The following ANKEF1 variants were observed in gnomAD, a reference collection of about 807,000 sequenced individuals.
ANKEF1 encodes ankyrin repeat and EF-hand domain-containing protein 1.
ANKEF1 carries 43 observed loss-of-function variants against 65.1 expected under a neutral mutation model. That is an observed-to-expected ratio of 0.66 (90% CI 0.52 to 0.85). The LOEUF (loss-of-function observed/expected upper bound fraction) is 0.85, where lower values mean the gene tolerates loss of function less well. Among genes scored for constraint, ANKEF1 ranks in the 40% least tolerant of loss-of-function variants. The probability of loss-of-function intolerance (pLI) is 0.00; values close to 1 mark genes in which losing one functional copy is unlikely to be tolerated. For missense variants in ANKEF1, 934 were observed against 952.9 expected, an observed-to-expected ratio of 0.98 and a Z score of 0.26; for synonymous variants, 316 against 341.5, an observed-to-expected ratio of 0.93 and a Z score of 0.82.
At chr20:10,049,094 C>T (rs114138607) in intron 6 of ANKEF1, among the ~76,000 whole-genome samples, 266 of 152,168 alleles carry the variant, frequency 1.7e-3, no homozygotes, top group African/African-American at 6.1e-3. Context: ...GTCCCCTGAG[C>T]AAGTGTACCA....
intron 7 of ANKEF1, among the ~76,000 whole-genome samples, chr20:10,050,429 C>T (rs1984792414): frequency 6.6e-6 from 1 of 152,142 alleles, no homozygotes; most frequent in Admixed American, 6.5e-5. Flanking sequence ...TGATTTATTA[C>T]AGGCTTTATT....
At chr20:10,054,911 T>C (rs76825285) in intron 10 of ANKEF1, among the ~76,000 whole-genome samples, 1 of 152,194 alleles carries the variant, frequency 6.6e-6, no homozygotes, top group African/African-American at 2.4e-5. Flanking sequence ...TACTTTTTTT[T>C]GGTACTTCTC....
intron 8 of ANKEF1, 58 bp downstream of exon 8, chr20:10,051,947 TA>T: frequency 7.6e-7 from 1 of 1,312,184 alleles, no homozygotes; most frequent in Non-Finnish European, 1.0e-6. Context: ...TGTTAGATTC[TA>T]AGCCCCTTCT....
chr20:10,037,016 T>G (rs941605844), intron 2 of ANKEF1, among the ~76,000 whole-genome samples: 8 of 152,052 alleles, frequency 5.3e-5, no homozygotes, highest in Admixed American at 5.2e-4. Flanking sequence ...ATGGAGATGT[T>G]GTGGTGCCTA....
Position 10,049,740 on chromosome 20 carries a change from A to T in ANKEF1, c.1171A>T (p.Asn391Tyr). ...TGAGAAAACCCGGGGAGGAGGGGTC[A>T]ATATTAATGAATTCTTTAAAGGAAC... ...LHEKTRGGGV[N>Y]INEFFKGTRY... The change falls in exon 7 of 11, where the codon AAT (asparagine) becomes TAT (tyrosine). Residue 391 changes from asparagine (N) to tyrosine (Y), a missense_variant. By Grantham distance (143) the Asn-to-Tyr change is moderately radical. Transcript: ENST00000378392. 6.2e-7 allele frequency: 1 copy of T among 1,614,132 alleles called. No homozygotes were observed. Among genetic ancestry groups the T allele is most frequent in the South Asian group, 1.1e-5 (1 of 91,086 alleles).
chr20:10,055,903 A>C lies in ANKEF1; in HGVS notation c.*243A>C, dbSNP rs568492330. On this transcript the variant is annotated 3_prime_UTR_variant, in exon 11 of 11. Transcript: ENST00000378392. The stretch of plus-strand genomic sequence containing the variant: ...AGCCCCTTTATGAATGTAGTGAAAT[A>C]CATGGCATGTGGGTTATAAACGTTG... 4.3e-4 allele frequency: 199 copies of C among 465,402 alleles called. No homozygotes were observed. Among genetic ancestry groups the C allele is most frequent in the Middle Eastern group, 1.8e-3 (3 of 1,670 alleles). 28.8% of individuals were successfully genotyped at this position (465,402 alleles called of 1,614,324 possible).
rs937136784 is a variant in ANKEF1 at position 10,037,743 on chromosome 20, C to A, written c.-44-515C>A. On this transcript the variant is annotated intron_variant, in intron 2 of 10. Coordinates refer to ENST00000378392, the MANE Select transcript of ANKEF1 (RefSeq NM_022096.6). ...TTTATGAAGATTTGCAGTTTCCTTG[C>A]AGCCATTTAACTACATCTTTTCCAC... 5.3e-5 allele frequency among the ~76,000 whole-genome samples: 8 copies of A among 152,216 alleles called. No individual in the cohort carries two copies. In the South Asian group the frequency reaches 1.7e-3, roughly 32 times the overall value.
intron 7 of ANKEF1, 96 bp downstream of exon 7, chr20:10,050,308 C>A: frequency 1.0e-6 from 1 of 968,602 alleles, no homozygotes; most frequent in Non-Finnish European, 1.5e-6. Flanking sequence ...TAGAAAAGTG[C>A]TACTTTATTA....
intron 7 of ANKEF1, 120 bp from the exon 8 acceptor site, chr20:10,051,543 A>G: frequency 2.7e-6 from 2 of 741,240 alleles, no homozygotes; most frequent in South Asian, 2.0e-5. Flanking sequence ...AAGAAAAATT[A>G]TGGCACAAAG....
In ANKEF1 at chr20:10,055,518, C is replaced by G; in HGVS notation, c.2189C>G (p.Ala730Gly). Residue 730 changes from alanine to glycine, a missense_variant, in exon 11 of 11, where the codon GCC becomes GGC. Transcript: ENST00000378392. ...CTTTTTAAGATTTGGAGTCCTGAAG[C>G]CACAACAGCAGAGCTGATCAGGAAG... ...FIPRRIWSPE[A>G]TTAELIRKRE... is the part of the protein sequence containing the mutation. The G allele has an allele frequency of 6.2e-7, 1 of 1,613,540 alleles. No individual in the cohort carries two copies. Among genetic ancestry groups the G allele is most frequent in the African/African-American group, 1.3e-5 (1 of 74,976 alleles).
Position 10,049,767 on chromosome 20 carries a change from A to G in ANKEF1, c.1198A>G (p.Arg400Gly). Residue 400 changes from arginine (R) to glycine (G), a missense_variant, in exon 7 of 11, where the codon AGA becomes GGA. Physicochemically the swap from Arg to Gly is moderately radical, Grantham distance 125 (BLOSUM62 -2). Transcript: ENST00000378392. ...TATTAATGAATTCTTTAAAGGAACC[A>G]GATATTTAAACAAGTCTTTTGTCTT... is the stretch of plus-strand genomic sequence containing the variant. ...VNINEFFKGT[R>G]YLNKSFVLGS... is the part of the protein sequence containing the mutation. 6.2e-7 allele frequency: 1 copy of G among 1,614,132 alleles called. No homozygotes were observed. The highest frequency in any genetic ancestry group is 1.6e-4 in the Middle Eastern group (1 of 6,062).
intron 2 of ANKEF1, 102 bp downstream of exon 2, chr20:10,035,744 A>T (rs1219614782): frequency 6.6e-6 from 1 of 152,228 alleles, no homozygotes; most frequent in Non-Finnish European, 1.5e-5. Context: ...CCTACATTCC[A>T]CTGTACCAAG....
intron 7 of ANKEF1, among the ~76,000 whole-genome samples, chr20:10,051,017 C>T (rs1473315617): frequency 1.3e-5 from 2 of 152,054 alleles, no homozygotes; most frequent in African/African-American, 2.4e-5. Context: ...AGTTGTATAA[C>T]CTGGGTGAGT....
Position 10,054,550 on chromosome 20 carries a change from T to C in ANKEF1, c.2123T>C (p.Ile708Thr). Residue 708 changes from isoleucine to threonine, a missense_variant, in exon 10 of 11, where the codon ATT becomes ACT. Coordinates refer to ENST00000378392, the MANE Select transcript of ANKEF1 (RefSeq NM_022096.6). The part of the protein sequence containing the change: ...KGNVVHLNSL[I>T]TSGYTKKVDI... ...AATGTGGTTCATCTGAATTCATTGATTACCAGTGGTTATACTAAGAAAGTG... is the reference window on the plus strand; with the variant it reads ...AATGTGGTTCATCTGAATTCATTGACTACCAGTGGTTATACTAAGAAAGTG... The C allele has an allele frequency of 6.2e-7, 1 of 1,609,660 alleles. No homozygotes were observed. The highest frequency in any genetic ancestry group is 8.5e-7 in the Non-Finnish European group (1 of 1,178,296).
Position 10,038,314 on chromosome 20 carries a change from G to C in ANKEF1, c.13G>C (p.Asp5His), listed in dbSNP as rs761284763. Residue 5 changes from aspartate to histidine, a missense_variant, in exon 3 of 11, where the codon GAT (aspartate) becomes CAT (histidine). By Grantham distance (81) the Asp-to-His change is moderately conservative. Coordinates refer to ENST00000378392, the MANE Select transcript of ANKEF1 (RefSeq NM_022096.6). MALA[D>H]KRLENLQIYK... ...GAGCTGGTCAAGCATGGCTTTAGCA[G>C]ATAAGAGACTTGAGAACTTACAGAT... The C allele has an allele frequency of 3.1e-5, 49 of 1,561,334 alleles. No homozygotes were observed. The highest frequency in any genetic ancestry group is 4.3e-5 in the Non-Finnish European group (49 of 1,146,836).
intron 2 of ANKEF1, among the ~76,000 whole-genome samples, chr20:10,037,457 G>T (rs767233777): frequency 6.6e-6 from 1 of 152,164 alleles, no homozygotes; most frequent in East Asian, 1.9e-4. Flanking sequence ...TTGAGCTTCA[G>T]TGTACCTGGA....
chr20:10,053,269 A>G lies in ANKEF1; in HGVS notation c.2028A>G (p.Lys676=), dbSNP rs199615882. 1.5e-5 allele frequency: 24 copies of G among 1,587,382 alleles called. No homozygotes were observed. Among genetic ancestry groups the G allele is most frequent in the Non-Finnish European group, 1.9e-5 (22 of 1,172,924 alleles). ...AGACTGAAGGCCCTGAAATTAAGAA[A>G]GAAGAGGTAAGAAAAATGGTTGACT... ...ILKTEGPEIK[K]EEELLSSIYG... Residue 676 remains lysine, a synonymous_variant, in exon 9 of 11, where the codon AAA becomes AAG. Transcript: ENST00000378392.
chr20:10,038,184 C>T, intron 2 of ANKEF1, 74 bp from the exon 3 acceptor site: 2 of 612,904 alleles, frequency 3.3e-6, no homozygotes, highest in South Asian at 4.9e-5. Flanking sequence ...AAGGAAGTTC[C>T]AAAATATTGT....
In ANKEF1 at chr20:10,044,355, G is replaced by T. The variant is rs117704926; in HGVS notation, c.547-39G>T. The T allele has an allele frequency of 1.0e-3, 1,614 of 1,608,432 alleles. 18 individuals carry two copies. The African/African-American group carries it at 0.016, about 16-fold the overall frequency. On this transcript the variant is annotated intron_variant, in intron 4 of 10. Transcript: ENST00000378392. ...CTGATTCTGCTACTTAATATGATGG[G>T]TATAAACAGCATCTCATATTGGACT...
Sources: gnomAD v4.1 joint callset for allele counts (sites outside exome capture counted in the v4.1 genomes callset) on GRCh38, gnomAD v4.1.1 for gene constraint, MANE v1.5 for transcripts, NCBI Gene and HGNC (gene_info 2026-07-23, HGNC 2026-07-21) for gene names.